The following AOPEP variants were observed in gnomAD, a reference collection of about 807,000 sequenced individuals.
AOPEP encodes the protein aminopeptidase O.
A neutral mutation model predicts 98.1 loss-of-function variants in AOPEP; 77 were observed. The ratio of observed to expected loss-of-function variants is 0.78; its 90% CI spans 0.65 to 0.95. The LOEUF is 0.95. Among genes scored for constraint, AOPEP ranks in the 40% least tolerant of loss-of-function variants. The probability of loss-of-function intolerance (pLI) is 0.00; values close to 1 mark genes in which losing one functional copy is unlikely to be tolerated. For synonymous variants in AOPEP, 346 were observed against 365.3 expected, an observed-to-expected ratio of 0.95 and a Z score of 0.60; for missense variants, 1,024 against 1,024.7, an observed-to-expected ratio of 1.00 and a Z score of 0.01.
chr9:95,104,518 C>T, the AOPEP span, among the ~76,000 whole-genome samples: 1 of 152,184 alleles, frequency 6.6e-6, no homozygotes, highest in Non-Finnish European at 1.5e-5. Context: ...GGGACTGCCC[C>T]ACACAGGATG....
intron 5 of AOPEP, among the ~76,000 whole-genome samples, chr9:94,820,906 T>A (rs939852788): frequency 3.4e-4 from 51 of 152,236 alleles, no homozygotes; most frequent in African/African-American, 1.1e-3. Context: ...AAGATCTTGC[T>A]TATTTAGGTC....
chr9:94,923,689 T>A (rs894934891), intron 5 of AOPEP, among the ~76,000 whole-genome samples: 3 of 152,212 alleles, frequency 2.0e-5, no homozygotes, highest in African/African-American at 7.2e-5. Context: ...AATGCTTCCA[T>A]TGCCTTGTAA....
At chr9:94,772,072 G>A (rs1187347811) in intron 2 of AOPEP, among the ~76,000 whole-genome samples, 5 of 152,174 alleles carry the variant, frequency 3.3e-5, no homozygotes, top group South Asian at 2.1e-4. Flanking sequence ...AAAAGAAAAT[G>A]AGTTTATCCA....
intron 5 of AOPEP, chr9:94,824,600 G>T (rs1284918297): frequency 3.3e-5 from 5 of 152,144 alleles, no homozygotes; most frequent in African/African-American, 1.2e-4. Context: ...GTGTTATTGA[G>T]AGCATTTGCA....
intron 11 of AOPEP, among the ~76,000 whole-genome samples, chr9:95,001,803 G>T (rs2061574066): frequency 6.6e-6 from 1 of 151,876 alleles, no homozygotes; most frequent in Non-Finnish European, 1.5e-5. Flanking sequence ...TTTGAGGCAG[G>T]ATCTCACTCT....
At chr9:95,020,146 G>C (rs1446931753) in intron 13 of AOPEP, 1 of 152,270 alleles carries the variant, frequency 6.6e-6, no homozygotes, top group Non-Finnish European at 1.5e-5. Flanking sequence ...CCTGGAACTA[G>C]AGCCTGGGTC....
At chr9:94,882,314 G>A (rs150175721) in intron 5 of AOPEP, among the ~76,000 whole-genome samples, 31 of 152,282 alleles carry the variant, frequency 2.0e-4, no homozygotes, top group African/African-American at 7.2e-4. Context: ...TGTTTAAAAT[G>A]TTTGCTTGCT....
At chr9:95,012,125 T>C (rs2062577658) in intron 13 of AOPEP, among the ~76,000 whole-genome samples, 1 of 152,206 alleles carries the variant, frequency 6.6e-6, no homozygotes, top group African/African-American at 2.4e-5. Flanking sequence ...TCAAACACTT[T>C]TTGAAAGGGG....
rs763951577 is a variant in AOPEP at position 94,972,905 on chromosome 9, C to T, written c.1916+5104C>T. 2.6e-5 allele frequency among the ~76,000 whole-genome samples: 4 copies of T among 151,738 alleles called. No homozygotes were observed. Among genetic ancestry groups the T allele is most frequent in the Non-Finnish European group, 5.9e-5 (4 of 67,958 alleles). On this transcript the variant is annotated intron_variant, in intron 10 of 16. Coordinates refer to ENST00000375315, the MANE Select transcript of AOPEP (RefSeq NM_001193329.3). This position sits in a 1 kb window ranked among gnomAD's most constrained non-coding sequence, Gnocchi z 4.2. ...AATGAGCTGAGATTGCACCACTGCACGCCAGCCTGGGAGACAGAGTGAGAC... is the reference window on the plus strand; with the variant it reads ...AATGAGCTGAGATTGCACCACTGCATGCCAGCCTGGGAGACAGAGTGAGAC...
intron 8 of AOPEP, among the ~76,000 whole-genome samples, chr9:94,955,585 G>A (rs1449668036): frequency 6.6e-6 from 1 of 152,202 alleles, no homozygotes; most frequent in Non-Finnish European, 1.5e-5. Flanking sequence ...AGAAGGAAGT[G>A]TTTTCTGTCG....
chr9:95,098,430 C>T, the AOPEP span, among the ~76,000 whole-genome samples: 1 of 152,314 alleles, frequency 6.6e-6, no homozygotes, highest in South Asian at 2.1e-4. Context: ...CGAAACCCTG[C>T]CAACCATGGC....
rs558553474 is a variant in AOPEP, at chr9:95,085,879, G to A, written c.*5-803G>A. 9 of 1,192,944 alleles carry A rather than the reference G, an allele frequency of 7.5e-6. No individual in the cohort carries two copies. The Admixed American group carries it at 1.3e-4, about 18-fold the overall frequency. The allele number at this position is 1,192,944 out of a possible 1,614,324, so 73.9% of individuals were successfully genotyped here. A position where few individuals can be genotyped will look rare whatever the true frequency, so the allele number is the denominator to read the frequency against. On this transcript the variant is annotated intron_variant, in intron 16 of 16. Coordinates refer to ENST00000375315, the MANE Select transcript of AOPEP (RefSeq NM_001193329.3). ...GTGAGCGGGGCGGGGCGGGGCTTTCGGAGGAGCTCCTGTTGTTCTGGGCGC... is the reference window on the plus strand; with the variant it reads ...GTGAGCGGGGCGGGGCGGGGCTTTCAGAGGAGCTCCTGTTGTTCTGGGCGC...
At chr9:95,026,114 AAAGT>A (rs2063817886) in intron 13 of AOPEP, among the ~76,000 whole-genome samples, 1 of 152,228 alleles carries the variant, frequency 6.6e-6, no homozygotes, top group Non-Finnish European at 1.5e-5. Flanking sequence ...TGAAGTCAAG[AAAGT>A]AAGAGAAAAC....
the AOPEP span, chr9:95,111,430 C>T: frequency 6.2e-7 from 1 of 1,605,012 alleles, no homozygotes; most frequent in Admixed American, 1.7e-5. Context: ...CCAGAGCCCA[C>T]CCCAAACACA....
At chr9:95,110,646 CTG>C in the AOPEP span, 3 of 1,046,002 alleles carry the variant, frequency 2.9e-6, no homozygotes, top group Admixed American at 5.5e-5. Context: ...CTTTATTAGT[CTG>C]TGTGTTTTCA....
chr9:95,123,050 C>T, the AOPEP span, among the ~76,000 whole-genome samples: 1 of 152,174 alleles, frequency 6.6e-6, no homozygotes, highest in African/African-American at 2.4e-5. Context: ...GCCTGGAATC[C>T]AAGCACCTTG....
At chr9:95,000,252 G>A (rs758578623) in intron 11 of AOPEP, among the ~76,000 whole-genome samples, 3 of 152,128 alleles carry the variant, frequency 2.0e-5, no homozygotes, top group East Asian at 3.8e-4. Flanking sequence ...TGATGCTGAC[G>A]CCAGGGAGAA....
chr9:94,944,748 G>A (rs576244039), intron 7 of AOPEP, among the ~76,000 whole-genome samples: 48 of 152,222 alleles, frequency 3.2e-4, no homozygotes, highest in Middle Eastern at 3.4e-3. Context: ...AGATTGGGGA[G>A]TGACTGCCAG....
chr9:94,849,816 C>T (rs2043319525), intron 5 of AOPEP, among the ~76,000 whole-genome samples: 1 of 152,100 alleles, frequency 6.6e-6, no homozygotes, highest in African/African-American at 2.4e-5. Context: ...GGGTGGATCA[C>T]CTGAGGTCAG....
Sources: gnomAD v4.1 joint callset for allele counts (sites outside exome capture counted in the v4.1 genomes callset) on GRCh38, gnomAD v4.1.1 for gene constraint, Gnocchi (gnomAD v3.1) non-coding constraint, MANE v1.5 for transcripts, NCBI Gene and HGNC (gene_info 2026-07-23, HGNC 2026-07-21) for gene names.